The following DLGAP1 variants were observed in gnomAD, a reference collection of about 807,000 sequenced individuals.
DLGAP1 encodes DLG associated protein 1, also known as disks large-associated protein 1.
Under a neutral mutation model 90.8 loss-of-function variants are expected in DLGAP1, and 11 were observed. The ratio of observed to expected loss-of-function variants is 0.12; its 90% confidence interval spans 0.08 to 0.20. The LOEUF (loss-of-function observed/expected upper bound fraction) is 0.20, where lower values mean the gene tolerates loss of function less well. Among genes scored for constraint, DLGAP1 ranks in the 10% least tolerant of loss-of-function variants. The pLI, the probability that DLGAP1 is intolerant of heterozygous loss-of-function variation, is 1.00. For missense variants in DLGAP1, 1,050 were observed against 1,333.8 expected (o/e 0.79, Z 3.31); for synonymous variants, 558 against 540.7 (o/e 1.03, Z -0.44).
chr18:4,094,313 A>T (rs1472645979), intron 2 of DLGAP1, among the ~76,000 whole-genome samples: 1 of 152,176 alleles, frequency 6.6e-6, no homozygotes, highest in Non-Finnish European at 1.5e-5. Context: ...AAAATAGTGA[A>T]GATGGTAATT....
intron 1 of DLGAP1, among the ~76,000 whole-genome samples, chr18:4,343,993 T>C (rs1265111321): frequency 6.6e-6 from 1 of 152,228 alleles, no homozygotes; most frequent in East Asian, 1.9e-4. Context: ...TACAAAATGA[T>C]GATGATGAAT....
intron 7 of DLGAP1, among the ~76,000 whole-genome samples, chr18:3,652,024 C>G (rs929743074): frequency 2.0e-5 from 3 of 151,632 alleles, no homozygotes; most frequent in Non-Finnish European, 4.4e-5. Flanking sequence ...GTTAGCCGGG[C>G]GTGGTGGCGC....
intron 5 of DLGAP1, among the ~76,000 whole-genome samples, chr18:3,772,346 C>A (rs151313891): frequency 7.0e-5 from 1 of 14,216 alleles, no homozygotes; most frequent in Non-Finnish European, 1.5e-4. Context: ...CTCTCTCTCT[C>A]TCTTTCTTTC....
chr18:4,269,414 C>G (rs187815026), intron 1 of DLGAP1, among the ~76,000 whole-genome samples: 2 of 147,144 alleles, frequency 1.4e-5, no homozygotes, highest in African/African-American at 5.0e-5. Flanking sequence ...AGTGCAGTGG[C>G]GCGATCTCAG....
intron 3 of DLGAP1, among the ~76,000 whole-genome samples, chr18:3,946,380 G>A (rs998428466): frequency 1.1e-4 from 17 of 152,086 alleles, no homozygotes; most frequent in African/African-American, 3.9e-4. Flanking sequence ...CAGTCCAGGG[G>A]CTCAACTAAT....
At position 4,111,912 on chromosome 18, in the gene DLGAP1, TTTTG is replaced by T. The variant is rs201653571; in HGVS notation, c.-159+39264_-159+39267del. Among the ~76,000 whole-genome samples the T allele has an allele frequency of 1.9e-4, 28 of 151,344 alleles. No individual in the cohort carries two copies. The East Asian group carries it at 5.2e-3, about 28-fold the overall frequency. ...ATTTTTTGTTTTATTGATTTTTCTC[TTTTG>T]TTTTTGTTTTTTATTTATTCTGTAA... On this transcript the variant is annotated intron_variant, in intron 2 of 12. Transcript: ENST00000315677.
chr18:3,695,971 G>T (rs554573142), intron 7 of DLGAP1, among the ~76,000 whole-genome samples: 180 of 152,306 alleles, frequency 1.2e-3, no homozygotes, highest in African/African-American at 4.0e-3. Context: ...AATTGTGAAT[G>T]AGAGTTCACT....
intron 1 of DLGAP1, among the ~76,000 whole-genome samples, chr18:4,364,987 G>A (rs1368364359): frequency 5.3e-5 from 8 of 152,030 alleles, no homozygotes; most frequent in Admixed American, 3.3e-4. Context: ...TCTTAGTCTT[G>A]ATTTCTCATT....
At position 4,240,989 on chromosome 18, in the gene DLGAP1, C is replaced by T. The variant is rs150127250; in HGVS notation, c.-266-89702G>A. 8.3e-3 allele frequency among the ~76,000 whole-genome samples: 1,262 copies of T among 152,288 alleles called. 9 individuals are homozygous for T. The highest frequency in any genetic ancestry group is 0.012 in the Non-Finnish European group (830 of 68,026). ...CCTATCATTCACTGTTACTTTACTCCCCAGTTTAATCGACGTACTGAGAAC... is the reference window on the plus strand; with the variant it reads ...CCTATCATTCACTGTTACTTTACTCTCCAGTTTAATCGACGTACTGAGAAC... On this transcript the variant is annotated intron_variant, in intron 1 of 12. Transcript: ENST00000315677.
intron 5 of DLGAP1, among the ~76,000 whole-genome samples, chr18:3,801,341 T>G (rs8087191): frequency 9.2e-5 from 14 of 152,312 alleles, no homozygotes; most frequent in African/African-American, 2.9e-4. Context: ...ACTTCGTATA[T>G]CAGCCCTTTC....
chr18:3,543,583 T>C (rs1206275388), intron 9 of DLGAP1, among the ~76,000 whole-genome samples: 1 of 152,232 alleles, frequency 6.6e-6, no homozygotes, highest in Non-Finnish European at 1.5e-5. Context: ...GGACGACTTC[T>C]GTGCATGGCA....
At chr18:3,972,374 T>C (rs1038496689) in intron 3 of DLGAP1, among the ~76,000 whole-genome samples, 1 of 152,048 alleles carries the variant, frequency 6.6e-6, no homozygotes, top group African/African-American at 2.4e-5. Flanking sequence ...AAAAATTATA[T>C]CTATCTATAT....
At chr18:4,273,845 T>A (rs1424760492) in intron 1 of DLGAP1, among the ~76,000 whole-genome samples, 4 of 152,244 alleles carry the variant, frequency 2.6e-5, no homozygotes, top group Non-Finnish European at 5.9e-5. Context: ...TTTTGTAAAA[T>A]CACTGGTAAC....
chr18:4,373,854 T>C (rs947339142), intron 1 of DLGAP1, among the ~76,000 whole-genome samples: 1 of 152,174 alleles, frequency 6.6e-6, no homozygotes, highest in Non-Finnish European at 1.5e-5. Context: ...TCCTGTCTAA[T>C]AAATTTAGAT....
chr18:4,336,274 T>C (rs1388518105), intron 1 of DLGAP1, among the ~76,000 whole-genome samples: 1 of 152,210 alleles, frequency 6.6e-6, no homozygotes, highest in Non-Finnish European at 1.5e-5. Flanking sequence ...ACCAATCATA[T>C]TATTCCCAGA....
rs2083914769 is a variant in DLGAP1 at position 4,454,328 on chromosome 18, C to T, written c.-267+678G>A. On this transcript the variant is annotated intron_variant, in intron 1 of 12. Transcript: ENST00000315677. The surrounding 1 kb of genome is among the most constrained non-coding windows in gnomAD (Gnocchi z 4.7). ...TCGCTGAATGTCGGGTCTCCCGGCC[C>T]GCCCCGCGATTCTCCGGGAATTGGC... 6.6e-6 allele frequency among the ~76,000 whole-genome samples: 1 copy of T among 152,192 alleles called. No homozygotes were observed. Among genetic ancestry groups the T allele is most frequent in the African/African-American group, 2.4e-5 (1 of 41,470 alleles).
intron 7 of DLGAP1, among the ~76,000 whole-genome samples, chr18:3,698,469 T>C (rs143219333): frequency 3.0e-3 from 454 of 152,320 alleles, no homozygotes; most frequent in African/African-American, 9.9e-3. Flanking sequence ...GGATATGAAA[T>C]TCTGGGTTGA....
chr18:4,412,784 G>A (rs1301245043), intron 1 of DLGAP1, among the ~76,000 whole-genome samples: 5 of 152,178 alleles, frequency 3.3e-5, no homozygotes, highest in Non-Finnish European at 5.9e-5. Context: ...AAGTGAACAC[G>A]ATAGAGTATA....
chr18:3,812,461 C>T (rs1041204772), intron 5 of DLGAP1, among the ~76,000 whole-genome samples: 10 of 151,818 alleles, frequency 6.6e-5, no homozygotes, highest in East Asian at 5.8e-4. Context: ...CTCCTACTAT[C>T]GGTGAATGTG....
Sources: allele counts gnomAD v4.1 joint callset (sites outside exome capture counted in the v4.1 genomes callset), GRCh38; gene constraint gnomAD v4.1.1; non-coding constraint Gnocchi (gnomAD v3.1); transcripts MANE v1.5; gene names NCBI Gene and HGNC (gene_info 2026-07-23, HGNC 2026-07-21).